Variants in CSMD1 observed in about 807,000 individuals in gnomAD.
CSMD1 encodes CUB and sushi domain-containing protein 1.
Under a neutral mutation model 417.5 loss-of-function variants are expected in CSMD1, and 213 were observed. The observed-to-expected ratio is 0.51, with a 90% CI of 0.46 to 0.57. CSMD1 has a LOEUF of 0.57. Ranked by LOEUF, CSMD1 falls within the 20% of genes least tolerant of loss-of-function variation. The pLI, the probability that CSMD1 is intolerant of heterozygous loss-of-function variation, is 0.00. For missense variants in CSMD1, 6,923 were observed against 4,529.7 expected (o/e 1.53, Z -15.17); for synonymous variants, 2,862 against 1,736.8 (o/e 1.65, Z -16.11).
intron 4 of CSMD1, among the ~76,000 whole-genome samples, chr8:4,016,240 T>C (rs1796516845): frequency 6.6e-6 from 1 of 152,140 alleles, no homozygotes; most frequent in African/African-American, 2.4e-5. Context: ...CTCCATTCCC[T>C]TTGCTTTCCT....
At chr8:3,676,024 T>C (rs1050960755) in intron 7 of CSMD1, among the ~76,000 whole-genome samples, 1 of 152,230 alleles carries the variant, frequency 6.6e-6, no homozygotes, top group Non-Finnish European at 1.5e-5. Flanking sequence ...TAGTATCTTA[T>C]CATTTATGAC....
At chr8:3,466,011 T>C (rs575290018) in intron 12 of CSMD1, among the ~76,000 whole-genome samples, 1 of 152,210 alleles carries the variant, frequency 6.6e-6, no homozygotes, top group Non-Finnish European at 1.5e-5. Context: ...TGGGTTTACA[T>C]GTCTTACTGT....
chr8:4,326,751 T>A (rs1427008768), intron 3 of CSMD1, among the ~76,000 whole-genome samples: 1 of 152,014 alleles, frequency 6.6e-6, no homozygotes, highest in Non-Finnish European at 1.5e-5. Flanking sequence ...GTAATGCCCA[T>A]CTTCAGAAGA....
chr8:3,435,458 C>T (rs191223212), intron 12 of CSMD1, among the ~76,000 whole-genome samples: 102 of 152,208 alleles, frequency 6.7e-4, no homozygotes, highest in African/African-American at 2.4e-3. Context: ...CACTCTTAGA[C>T]CACCACATTC....
At chr8:4,105,375 C>T (rs887459620) in intron 3 of CSMD1, among the ~76,000 whole-genome samples, 1 of 151,898 alleles carries the variant, frequency 6.6e-6, no homozygotes, top group East Asian at 1.9e-4. Flanking sequence ...AGACATGTAA[C>T]TATGAATAAG....
At chr8:4,524,434 G>C (rs1448464684) in intron 2 of CSMD1, among the ~76,000 whole-genome samples, 2 of 152,150 alleles carry the variant, frequency 1.3e-5, no homozygotes, top group Admixed American at 6.5e-5. Flanking sequence ...TGCACAGATA[G>C]TAGGTGATGC....
chr8:4,230,845 G>T (rs369574331), intron 3 of CSMD1, among the ~76,000 whole-genome samples: 3 of 151,908 alleles, frequency 2.0e-5, no homozygotes, highest in Non-Finnish European at 4.4e-5. Flanking sequence ...TTGTGGTTAG[G>T]AACAATCGAT....
intron 3 of CSMD1, among the ~76,000 whole-genome samples, chr8:4,338,412 G>A (rs987231187): frequency 2.0e-5 from 3 of 152,090 alleles, no homozygotes; most frequent in African/African-American, 4.8e-5. Context: ...TAGTGTGGAT[G>A]AATCAAGACC....
chr8:4,444,968 A>C (rs566066754), intron 2 of CSMD1, among the ~76,000 whole-genome samples: 2 of 152,330 alleles, frequency 1.3e-5, no homozygotes, highest in African/African-American at 2.4e-5. Context: ...CCACTGTGTT[A>C]AAGAAATGTT....
chr8:3,926,389 G>C (rs914752526), intron 5 of CSMD1, among the ~76,000 whole-genome samples: 2 of 151,968 alleles, frequency 1.3e-5, no homozygotes, highest in Non-Finnish European at 2.9e-5. Flanking sequence ...AGGGCAGTAA[G>C]ATTTTTTCTG....
chr8:2,987,427 A>T (rs1806017786), intron 54 of CSMD1, among the ~76,000 whole-genome samples: 1 of 148,448 alleles, frequency 6.7e-6, no homozygotes, highest in African/African-American at 2.4e-5. Context: ...TATATACATA[A>T]ATATATATAA....
chr8:4,216,576 C>T (rs182212526), intron 3 of CSMD1, among the ~76,000 whole-genome samples: 8 of 152,304 alleles, frequency 5.3e-5, no homozygotes, highest in South Asian at 2.1e-4. Context: ...CCACTGCCAA[C>T]GGAGCCCTCC....
chr8:3,109,485 T>G (rs1449095018), intron 43 of CSMD1, among the ~76,000 whole-genome samples: 1 of 152,256 alleles, frequency 6.6e-6, no homozygotes, highest in African/African-American at 2.4e-5. Context: ...AGATGTCTGA[T>G]TTACTTCCAC....
intron 3 of CSMD1, among the ~76,000 whole-genome samples, chr8:4,103,161 G>C (rs1447034933): frequency 6.6e-6 from 1 of 152,008 alleles, no homozygotes; most frequent in African/African-American, 2.4e-5. Flanking sequence ...ACAACTGTGA[G>C]CCAGTCAGCA....
chr8:3,525,375 T>C (rs758374791), intron 10 of CSMD1, among the ~76,000 whole-genome samples: 6 of 152,132 alleles, frequency 3.9e-5, no homozygotes, highest in Non-Finnish European at 8.8e-5. Flanking sequence ...ATCAAAATTC[T>C]AAGGTGGATT....
chr8:2,981,897 G>A (rs1585090063), intron 54 of CSMD1, among the ~76,000 whole-genome samples: 1 of 152,302 alleles, frequency 6.6e-6, no homozygotes, highest in South Asian at 2.1e-4. Flanking sequence ...ATTCCTTGGT[G>A]ACAGGAATCC....
intron 7 of CSMD1, among the ~76,000 whole-genome samples, chr8:3,664,774 C>G (rs935654772): frequency 6.6e-6 from 1 of 152,160 alleles, no homozygotes; most frequent in African/African-American, 2.4e-5. Context: ...AGAGTACATC[C>G]TGACACTGGT....
chr8:3,535,823 C>T (rs1461098031), intron 10 of CSMD1, among the ~76,000 whole-genome samples: 3 of 152,156 alleles, frequency 2.0e-5, no homozygotes, highest in African/African-American at 7.2e-5. Context: ...AGTTTCCTCT[C>T]CCACCAGTTT....
At chr8:4,103,507 T>A (rs1046167467) in intron 3 of CSMD1, among the ~76,000 whole-genome samples, 3 of 151,014 alleles carry the variant, frequency 2.0e-5, no homozygotes, top group Non-Finnish European at 4.4e-5. Context: ...AACATATAAA[T>A]ATATATAAAT....
Sources: gnomAD v4.1 joint callset for allele counts (sites outside exome capture counted in the v4.1 genomes callset) on GRCh38, gnomAD v4.1.1 for gene constraint, MANE v1.5 for transcripts, NCBI Gene and HGNC (gene_info 2026-07-23, HGNC 2026-07-21) for gene names.